Variants in PTPRD observed in about 807,000 individuals in gnomAD.
PTPRD encodes the protein protein tyrosine phosphatase receptor type D.
Under a neutral mutation model 214.5 loss-of-function variants are expected in PTPRD, and 34 were observed. That is an observed-to-expected ratio of 0.16 (90% confidence interval 0.12 to 0.21). The LOEUF (loss-of-function observed/expected upper bound fraction) is 0.21. Among genes scored for constraint, PTPRD ranks in the 10% least tolerant of loss-of-function variants. PTPRD has a pLI of 1.00. For synonymous variants in PTPRD, 1,128 were observed against 845.7 expected, an observed-to-expected ratio of 1.33 and a Z score of -5.79; for missense variants, 2,545 against 2,398.7, an observed-to-expected ratio of 1.06 and a Z score of -1.27.
chr9:8,491,651 T>C (rs1374368114), intron 27 of PTPRD, among the ~76,000 whole-genome samples: 4 of 136,702 alleles, frequency 2.9e-5, no homozygotes, highest in Non-Finnish European at 6.2e-5. Context: ...CTTGATACAA[T>C]GGTATTTAAA....
chr9:9,572,948 T>G (rs1159933023), intron 8 of PTPRD, among the ~76,000 whole-genome samples: 1 of 151,576 alleles, frequency 6.6e-6, no homozygotes, highest in Non-Finnish European at 1.5e-5. Context: ...CTAAAACTGA[T>G]AAACACTTGG....
chr9:9,629,238 G>GTATATATATATATATA (rs113482595), intron 7 of PTPRD, among the ~76,000 whole-genome samples: 116 of 140,360 alleles, frequency 8.3e-4, no homozygotes, highest in African/African-American at 2.7e-3. Context: ...GTGTGTGTGT[G>GTATATATATATATATA]TATATATATA....
intron 10 of PTPRD, among the ~76,000 whole-genome samples, chr9:9,032,074 C>G (rs1339451675): frequency 6.6e-6 from 1 of 151,696 alleles, no homozygotes; most frequent in Non-Finnish European, 1.5e-5. Flanking sequence ...AAATATGTAG[C>G]CACACAGCCG....
intron 7 of PTPRD, among the ~76,000 whole-genome samples, chr9:9,706,511 C>T (rs993679772): frequency 5.3e-5 from 8 of 151,802 alleles, no homozygotes; most frequent in Non-Finnish European, 1.2e-4. Flanking sequence ...ACAATCTTGG[C>T]TCACTGCAAC....
chr9:10,056,274 T>C (rs1010572392), intron 3 of PTPRD, among the ~76,000 whole-genome samples: 1 of 150,326 alleles, frequency 6.7e-6, no homozygotes, highest in South Asian at 2.1e-4. Context: ...TGAGCTGAGA[T>C]CACGCCACTG....
At chr9:9,353,003 T>G (rs2052075641) in intron 9 of PTPRD, among the ~76,000 whole-genome samples, 1 of 151,958 alleles carries the variant, frequency 6.6e-6, no homozygotes, top group Non-Finnish European at 1.5e-5. Context: ...TTATTGTTCT[T>G]ATTTTCAATG....
intron 36 of PTPRD, among the ~76,000 whole-genome samples, chr9:8,397,211 T>C (rs2091398324): frequency 1.3e-5 from 2 of 151,888 alleles, no homozygotes; most frequent in Non-Finnish European, 1.5e-5. Context: ...AAAACAAACA[T>C]GAGGTGCCAA....
chr9:10,001,843 C>T (rs910304203), intron 4 of PTPRD, among the ~76,000 whole-genome samples: 1 of 151,902 alleles, frequency 6.6e-6, no homozygotes, highest in Admixed American at 6.6e-5. Context: ...TAACTTGAGT[C>T]CACATGGAGG....
intron 10 of PTPRD, among the ~76,000 whole-genome samples, chr9:9,048,036 G>C (rs935780950): frequency 1.3e-5 from 2 of 152,122 alleles, no homozygotes; most frequent in Non-Finnish European, 2.9e-5. Context: ...ATGGCAAACA[G>C]GCATAAGAAA....
In PTPRD at chr9:9,167,899, A is replaced by C. The variant is rs142777604; in HGVS notation, c.-143+15405T>G. Among the ~76,000 whole-genome samples, 9 of 152,280 alleles carry C rather than the reference A, an allele frequency of 5.9e-5. No homozygotes were observed. In the East Asian group the frequency reaches 1.5e-3, roughly 26 times the overall value. ...TTTACTGGAGAGACATTGCACTGAC[A>C]ATGCCCACAGTCTGATCATCCTTAG... On this transcript the variant is annotated intron_variant, in intron 10 of 45. Transcript: ENST00000381196.
chr9:10,374,466 G>C (rs1046917729), intron 2 of PTPRD, among the ~76,000 whole-genome samples: 4 of 151,988 alleles, frequency 2.6e-5, no homozygotes, highest in Non-Finnish European at 4.4e-5. Context: ...TCTGGTCCGT[G>C]CTTGTTCTTT....
chr9:9,449,916 G>A (rs1018902259), intron 8 of PTPRD, among the ~76,000 whole-genome samples: 6 of 151,824 alleles, frequency 4.0e-5, no homozygotes, highest in African/African-American at 7.2e-5. Context: ...CCCAAAGTCC[G>A]TCATATCATT....
intron 12 of PTPRD, among the ~76,000 whole-genome samples, chr9:8,726,085 G>A (rs972640330): frequency 5.3e-5 from 8 of 150,844 alleles, no homozygotes; most frequent in Admixed American, 4.0e-4. Context: ...AGAAATAAGT[G>A]AAGCTAAAGC....
intron 9 of PTPRD, among the ~76,000 whole-genome samples, chr9:9,380,768 A>T (rs2140293449): frequency 6.6e-6 from 1 of 152,230 alleles, no homozygotes; most frequent in Non-Finnish European, 1.5e-5. Context: ...ACTATTTCTG[A>T]TACAGGACTG....
intron 2 of PTPRD, among the ~76,000 whole-genome samples, chr9:10,503,081 T>C (rs1254477227): frequency 6.6e-6 from 1 of 151,078 alleles, no homozygotes; most frequent in Non-Finnish European, 1.5e-5. Flanking sequence ...TTACCACAAC[T>C]CGGTCCAATA....
chr9:9,887,428 A>C (rs2071375184), intron 5 of PTPRD, among the ~76,000 whole-genome samples: 1 of 152,158 alleles, frequency 6.6e-6, no homozygotes, highest in Non-Finnish European at 1.5e-5. Context: ...TGTGTGGCTT[A>C]AGAGGCTGCA....
At chr9:9,805,969 A>G (rs935670171) in intron 5 of PTPRD, among the ~76,000 whole-genome samples, 1 of 152,234 alleles carries the variant, frequency 6.6e-6, no homozygotes, top group African/African-American at 2.4e-5. Flanking sequence ...CAAATAGCTT[A>G]CACAGAGGTA....
chr9:8,345,912 C>G (rs1857162803), intron 39 of PTPRD, among the ~76,000 whole-genome samples: 2 of 152,030 alleles, frequency 1.3e-5, no homozygotes, highest in Non-Finnish European at 2.9e-5. Context: ...TGCCAGTCCC[C>G]AAAATGTAGA....
chr9:10,531,614 A>G (rs914507989), intron 2 of PTPRD, among the ~76,000 whole-genome samples: 24 of 152,158 alleles, frequency 1.6e-4, no homozygotes, highest in African/African-American at 5.8e-4. Flanking sequence ...GGTGAAAGGG[A>G]AGTTCTCTGA....
Sources: gnomAD v4.1 joint callset for allele counts (sites outside exome capture counted in the v4.1 genomes callset) on GRCh38, gnomAD v4.1.1 for gene constraint, MANE v1.5 for transcripts, NCBI Gene and HGNC (gene_info 2026-07-23, HGNC 2026-07-21) for gene names.